Variants in AP4B1 observed in about 807,000 individuals in gnomAD.
AP4B1 encodes AP-4 complex subunit beta-1.
AP4B1 carries 49 observed loss-of-function variants against 76.5 expected under a neutral mutation model. The ratio of observed to expected loss-of-function variants is 0.64; its 90% CI spans 0.51 to 0.81. AP4B1 has a LOEUF of 0.81. AP4B1 is among the 40% of genes least tolerant of loss of function. The probability of loss-of-function intolerance (pLI) is 0.00; values close to 1 mark genes in which losing one functional copy is unlikely to be tolerated. For synonymous variants in AP4B1, 330 were observed against 333.3 expected (o/e 0.99, Z 0.11); for missense variants, 911 against 904.9 (o/e 1.01, Z -0.09).
Position 113,899,978 on chromosome 1 carries a change from T to C in AP4B1, c.1040A>G (p.Gln347Arg), listed in dbSNP as rs1406454008. The C allele has an allele frequency of 6.2e-7, 1 of 1,614,166 alleles. No individual in the cohort carries two copies. Among genetic ancestry groups the C allele is most frequent in the South Asian group, 1.1e-5 (1 of 91,082 alleles). The stretch of plus-strand genomic sequence containing the variant: ...GTACCCTCGAAGCTCCTCTAGCACC[T>C]GCTGCACATTCTCATCGTTCACCAG... ...CELVNDENVQ[Q>R]VLEELRGYCT... Residue 347 changes from glutamine (Q) to arginine (R), a missense_variant, in exon 5 of 10, where the codon CAG becomes CGG. By Grantham distance (43) the Gln-to-Arg change is conservative (BLOSUM62 1). Coordinates refer to ENST00000369569, the MANE Select transcript of AP4B1 (RefSeq NM_001253852.3).
At chr1:113,898,455 G>GGC (rs1667765993) in intron 6 of AP4B1, among the ~76,000 whole-genome samples, 2 of 152,178 alleles carry the variant, frequency 1.3e-5, no homozygotes, top group African/African-American at 2.4e-5. Context: ...AACAAAAAGA[G>GGC]AAGTAAAGAT....
chr1:113,900,721 C>A lies in AP4B1; in HGVS notation c.618-321G>T, dbSNP rs41283516. ...GGGACATGACTAGAGAAGGGTAGAA[C>A]CTATTCCCACAGTATATTTCTATTT... On this transcript the variant is annotated intron_variant, in intron 4 of 9. Coordinates refer to ENST00000369569, the MANE Select transcript of AP4B1 (RefSeq NM_001253852.3). The A allele has an allele frequency of 0.038, 14,326 of 378,992 alleles. 390 individuals carry two copies. The highest frequency in any genetic ancestry group is 0.056 in the Middle Eastern group (73 of 1,296). 23.5% of individuals were successfully genotyped at this position (378,992 alleles called of 1,614,324 possible).
In AP4B1 at chr1:113,895,354, T is replaced by C. The variant is rs1667330271; in HGVS notation, c.1931A>G (p.Gln644Arg). 6.2e-7 allele frequency: 1 copy of C among 1,614,192 alleles called. No homozygotes were observed. Among genetic ancestry groups the C allele is most frequent in the Non-Finnish European group, 8.5e-7 (1 of 1,180,034 alleles). The change falls in exon 10 of 10, where the codon CAA becomes CGA. Residue 644 changes from glutamine (Q) to arginine (R), a missense_variant. Transcript: ENST00000369569. ...TWLSLKVAHQQVLPWRGEFHP... is the reference protein window; with the variant it reads ...TWLSLKVAHQRVLPWRGEFHP... ...GAATTCTCCCCGCCAAGGCAACACTTGCTGATGAGCAACTTTAAGGCTAAG... is the reference window on the plus strand; with the variant it reads ...GAATTCTCCCCGCCAAGGCAACACTCGCTGATGAGCAACTTTAAGGCTAAG...
At chr1:113,904,473 G>C in intron 1 of AP4B1, 132 bp downstream of exon 1, 1 of 847,570 alleles carries the variant, frequency 1.2e-6, no homozygotes, top group Admixed American at 1.7e-5. Flanking sequence ...CTCCAAAGCA[G>C]CAGGACGAAG....
Position 113,895,235 on chromosome 1 carries a change from T to G in AP4B1, c.2050A>C (p.Ser684Arg). The change falls in exon 10 of 10, where the codon AGT (serine) becomes CGT (arginine). Residue 684 changes from serine (S) to arginine (R), a missense_variant. By Grantham distance (110) the Ser-to-Arg change is moderately radical. Coordinates refer to ENST00000369569, the MANE Select transcript of AP4B1 (RefSeq NM_001253852.3). The stretch of plus-strand genomic sequence containing the variant: ...AGACAGCCAGTATCATCCTGAGCAC[T>G]GAGGTATGCTTTCCATGGCCGAGAC... ...AGSRPWKAYL[S>R]AQDDTGCLFL... 1.2e-6 allele frequency: 2 copies of G among 1,614,230 alleles called. No homozygotes were observed. The highest frequency in any genetic ancestry group is 1.7e-6 in the Non-Finnish European group (2 of 1,180,042).
chr1:113,901,434 C>T (rs773056702), intron 3 of AP4B1, 51 bp from the exon 4 acceptor site: 2 of 1,587,378 alleles, frequency 1.3e-6, no homozygotes, highest in Non-Finnish European at 1.7e-6. Flanking sequence ...TTCAGAGTAA[C>T]AAGGATGTAG....
At chr1:113,903,923 C>T (rs965092369) in intron 1 of AP4B1, among the ~76,000 whole-genome samples, 1 of 152,142 alleles carries the variant, frequency 6.6e-6, no homozygotes, top group Non-Finnish European at 1.5e-5. Flanking sequence ...AAAAGCACCC[C>T]AAGGGATTTT....
At chr1:113,901,424 T>TGGG in intron 3 of AP4B1, 41 bp from the exon 4 acceptor site, 1 of 1,600,438 alleles carries the variant, frequency 6.2e-7, no homozygotes, top group Non-Finnish European at 8.6e-7. Context: ...GAAGGAAAGC[T>TGGG]TCAGAGTAAC....
chr1:113,896,683 C>A, intron 7 of AP4B1: 1 of 603,026 alleles, frequency 1.7e-6, no homozygotes, highest in Non-Finnish European at 2.9e-6. Context: ...ACTTTCATAG[C>A]CTATGTTGGA....
At chr1:113,898,066 G>T in intron 6 of AP4B1, 123 bp from the exon 7 acceptor site, 2 of 1,542,242 alleles carry the variant, frequency 1.3e-6, no homozygotes, top group Non-Finnish European at 8.8e-7. Flanking sequence ...GGGTTTTGGA[G>T]GTGTGGTCAA....
chr1:113,896,219 T>C (rs571743203), intron 8 of AP4B1, 39 bp downstream of exon 8: 5 of 1,611,478 alleles, frequency 3.1e-6, no homozygotes, highest in African/African-American at 1.3e-5. Context: ...ATTTTTACTA[T>C]GGGTCATGGC....
rs1443084533 is a variant in AP4B1 at position 113,895,154 on chromosome 1, TCA to T, written c.2129_2130del (p.Val710GlufsTer4). The T allele has an allele frequency of 6.2e-7, 1 of 1,614,220 alleles. No homozygotes were observed. The highest frequency in any genetic ancestry group is 8.5e-7 in the Non-Finnish European group (1 of 1,180,034). ...GTCTCCGTTCTTGCTTCATTTTGTT[TCA>T]CAGAGATCTGCATTTCTGAGTTTCC... Reference protein sequence around the residue: ...EPGNSEMQISVKQNEARTETL... With the variant: ...EPGNSEMQISXKQNEARTETL... On this transcript the variant is annotated frameshift_variant, in exon 10 of 10. Coordinates refer to ENST00000369569, the MANE Select transcript of AP4B1 (RefSeq NM_001253852.3). LOFTEE classifies it high-confidence loss of function.
At chr1:113,896,523 G>C in intron 7 of AP4B1, 58 bp from the exon 8 acceptor site, 1 of 1,547,296 alleles carries the variant, frequency 6.5e-7, no homozygotes, top group Non-Finnish European at 8.9e-7. Flanking sequence ...AAACACAGGA[G>C]ATAATAGACA....
chr1:113,900,590 T>G (rs1668114907), intron 4 of AP4B1, 190 bp from the exon 5 acceptor site: 1 of 685,546 alleles, frequency 1.5e-6, no homozygotes, highest in Admixed American at 3.0e-5. Flanking sequence ...AATTCCAAGA[T>G]GAGTTGTTAA....
Position 113,895,749 on chromosome 1 carries a change from G to C in AP4B1, c.1792+8C>G. Reference sequence around the variant, plus strand: ...CATGACAAGATTTAAGGTAAGGACTGTTTTTACCTGATGCGGCAAAGGATG... The same window carrying C: ...CATGACAAGATTTAAGGTAAGGACTCTTTTTACCTGATGCGGCAAAGGATG... On this transcript the variant is annotated splice_region_variant and intron_variant, in intron 9 of 9. Transcript: ENST00000369569. The C allele has an allele frequency of 6.2e-7, 1 of 1,614,180 alleles. No homozygotes were observed. Among genetic ancestry groups the C allele is most frequent in the South Asian group, 1.1e-5 (1 of 91,084 alleles).
In AP4B1 at chr1:113,904,018, G is replaced by A. The variant is rs765201353; in HGVS notation, c.113+587C>T. On this transcript the variant is annotated intron_variant, in intron 1 of 9. Transcript: ENST00000369569. ...ATAATGGAAAAATTCTGTCTCAAAT[G>A]AGGCAAAGTGGCCTACTAGTAAGCT... Among the ~76,000 whole-genome samples, 167 of 152,294 alleles carry A rather than the reference G, an allele frequency of 1.1e-3. 2 individuals are homozygous for A. The highest frequency in any genetic ancestry group is 0.01 in the Middle Eastern group (3 of 294).
chr1:113,897,868 C>A lies in AP4B1; in HGVS notation c.1274G>T (p.Gly425Val). ...ACTATCTTGAATGTTCTCTTCACAG[C>A]CGGGCAGGGCCTGACATACAGCTTC... The part of the protein sequence containing the change: ...CTEAVCQALP[G>V]CEENIQDSEG... The change falls in exon 7 of 10, where the codon GGC becomes GTC. Residue 425 changes from glycine (G) to valine (V), a missense_variant. Coordinates refer to ENST00000369569, the MANE Select transcript of AP4B1 (RefSeq NM_001253852.3). 1.2e-6 allele frequency: 2 copies of A among 1,614,132 alleles called. No individual in the cohort carries two copies. The highest frequency in any genetic ancestry group is 1.7e-6 in the Non-Finnish European group (2 of 1,180,030).
Position 113,895,846 on chromosome 1 carries a change from C to A in AP4B1, c.1703G>T (p.Gly568Val), listed in dbSNP as rs759495705. 1.2e-6 allele frequency: 2 copies of A among 1,614,222 alleles called. No homozygotes were observed. The highest frequency in any genetic ancestry group is 2.2e-5 in the South Asian group (2 of 91,084). The stretch of plus-strand genomic sequence containing the variant: ...AGAGATAGTTGCCCAGTGGGCTTTG[C>A]CATACACTGGCACCAGTGTGTTGAA... Reference protein sequence around the residue: ...SDFNTLVPVYGKAHWATISKC... With the variant: ...SDFNTLVPVYVKAHWATISKC... The change falls in exon 9 of 10, where the codon GGC becomes GTC. Residue 568 changes from glycine (G) to valine (V), a missense_variant. Transcript: ENST00000369569.
intron 4 of AP4B1, chr1:113,900,796 G>A (rs1668145885): frequency 3.6e-6 from 1 of 277,262 alleles, no homozygotes; most frequent in Admixed American, 5.0e-5. Context: ...TTCTCTCAGT[G>A]GAATGTGAGG....
Sources: allele counts gnomAD v4.1 joint callset (sites outside exome capture counted in the v4.1 genomes callset), GRCh38; gene constraint gnomAD v4.1.1; transcripts MANE v1.5; gene names NCBI Gene and HGNC (gene_info 2026-07-23, HGNC 2026-07-21).